Variants in RNF125 observed in about 807,000 individuals in gnomAD.
The protein encoded by RNF125 is ring finger protein 125.
RNF125 carries 21 observed loss-of-function variants against 26.0 expected under a neutral mutation model. The observed-to-expected ratio is 0.81, with a 90% CI of 0.57 to 1.16. RNF125 has a LOEUF of 1.16. Among genes scored for constraint, RNF125 ranks in the 50% most tolerant of loss-of-function variants. The pLI is 0.00. For missense variants in RNF125, 270 were observed against 299.4 expected (o/e 0.90, Z 0.72); for synonymous variants, 95 against 109.2 (o/e 0.87, Z 0.81).
intron 5 of RNF125, among the ~76,000 whole-genome samples, chr18:32,067,350 C>A (rs577943053): frequency 1.8e-4 from 27 of 152,308 alleles, no homozygotes; most frequent in African/African-American, 6.3e-4. Context: ...TTCTCAAGAT[C>A]TTTCAGACAA....
chr18:32,023,213 C>T (rs946917549), intron 1 of RNF125, among the ~76,000 whole-genome samples: 9 of 152,228 alleles, frequency 5.9e-5, no homozygotes, highest in African/African-American at 1.7e-4. Flanking sequence ...AGGGCAGTGG[C>T]GTGATCTCAG....
At chr18:32,045,830 G>T (rs1169575996) in intron 4 of RNF125, 98 bp downstream of exon 4, 2 of 716,078 alleles carry the variant, frequency 2.8e-6, no homozygotes, top group South Asian at 3.6e-5. Flanking sequence ...CCTTATAAAG[G>T]ATAATTATTT....
chr18:32,078,941 G>A, the RNF125 span, among the ~76,000 whole-genome samples: 11 of 152,160 alleles, frequency 7.2e-5, no homozygotes, highest in African/African-American at 2.7e-4. Flanking sequence ...CACCCAAGTA[G>A]AGTCAGTCAC....
intron 1 of RNF125, among the ~76,000 whole-genome samples, chr18:32,023,485 T>C (rs530569556): frequency 4.4e-4 from 67 of 152,174 alleles, no homozygotes; most frequent in African/African-American, 1.6e-3. Flanking sequence ...TACCGCAAGG[T>C]CAGGATTTTG....
intron 4 of RNF125, among the ~76,000 whole-genome samples, chr18:32,061,884 T>C (rs1021457327): frequency 2.6e-5 from 4 of 152,186 alleles, no homozygotes; most frequent in African/African-American, 7.2e-5. Context: ...TTATTTTAAA[T>C]CTAACAGCTC....
At chr18:32,074,229 C>A (rs1272186860), downstream of RNF125, among the ~76,000 whole-genome samples, 3 of 152,162 alleles carry the variant, frequency 2.0e-5, no homozygotes, top group Non-Finnish European at 4.4e-5. Flanking sequence ...TCCTATATCA[C>A]CCCTCGCAAC....
At chr18:32,035,067 G>T (rs868312262) in intron 1 of RNF125, among the ~76,000 whole-genome samples, 9 of 152,212 alleles carry the variant, frequency 5.9e-5, no homozygotes, top group Middle Eastern at 6.8e-3. Flanking sequence ...CAGAGACATG[G>T]TCTATACTTG....
At chr18:32,043,471 G>A (rs531318090) in intron 3 of RNF125, among the ~76,000 whole-genome samples, 113 of 152,246 alleles carry the variant, frequency 7.4e-4, no homozygotes, top group African/African-American at 2.6e-3. Context: ...ACTAGAGATC[G>A]CCTTGCAAAA....
chr18:32,032,380 A>T (rs962415611), intron 1 of RNF125, among the ~76,000 whole-genome samples: 3 of 140,086 alleles, frequency 2.1e-5, no homozygotes, highest in African/African-American at 2.6e-5. Flanking sequence ...GCCTGGCTGT[A>T]TTTTTTTTTT....
At chr18:32,042,003 ATAG>A in intron 2 of RNF125, 173 bp from the exon 3 acceptor site, 2 of 586,874 alleles carry the variant, frequency 3.4e-6, no homozygotes, top group Non-Finnish European at 6.0e-6. Flanking sequence ...AATTTGAAAA[ATAG>A]TAGTATTCTT....
chr18:32,037,480 T>C (rs1391601346), intron 2 of RNF125, among the ~76,000 whole-genome samples: 1 of 150,082 alleles, frequency 6.7e-6, no homozygotes, highest in Non-Finnish European at 1.5e-5. Context: ...CAAGTGATTC[T>C]CCTGCCCGCA....
chr18:32,088,534 G>A, the RNF125 span, among the ~76,000 whole-genome samples: 9 of 151,862 alleles, frequency 5.9e-5, no homozygotes, highest in African/African-American at 1.4e-4. Context: ...ACAGAGTCCC[G>A]CTCTGTCACC....
intron 1 of RNF125, among the ~76,000 whole-genome samples, chr18:32,034,269 G>C (rs546822195): frequency 6.6e-6 from 1 of 152,056 alleles, no homozygotes; most frequent in Non-Finnish European, 1.5e-5. Context: ...AGACAACCTC[G>C]CGGATCTTCT....
At chr18:32,050,955 T>C (rs2039321012) in intron 4 of RNF125, among the ~76,000 whole-genome samples, 1 of 127,474 alleles carries the variant, frequency 7.8e-6, no homozygotes, top group Non-Finnish European at 1.6e-5. Context: ...ACTTGTGAGC[T>C]CAAGCGATCT....
intron 3 of RNF125, among the ~76,000 whole-genome samples, chr18:32,043,862 A>G (rs79276722): frequency 0.017 from 2,602 of 152,316 alleles, 78 homozygotes; most frequent in African/African-American, 0.059. Context: ...TCTTACACCT[A>G]GAGTTTGTCC....
the RNF125 span, among the ~76,000 whole-genome samples, chr18:32,085,597 A>C: frequency 6.9e-6 from 1 of 145,634 alleles, no homozygotes; most frequent in Non-Finnish European, 1.5e-5. Context: ...GCTACTTGGG[A>C]GGCTGAGGCA....
In RNF125 at chr18:32,068,315, G is replaced by A; in HGVS notation, c.630G>A (p.Glu210=). The A allele has an allele frequency of 1.3e-6, 2 of 1,556,810 alleles. No homozygotes were observed. Among genetic ancestry groups the A allele is most frequent in the Non-Finnish European group, 1.8e-6 (2 of 1,129,212 alleles). The change falls in exon 6 of 6, where the codon GAG becomes GAA. Residue 210 remains glutamate, a synonymous_variant. Transcript: ENST00000217740. Reference sequence around the variant, plus strand: ...TATTGTAGGATTTTAATATAATTGAGGAAGCTCTTATCCGAAGAGTCTTAG... The same window carrying A: ...TATTGTAGGATTTTAATATAATTGAAGAAGCTCTTATCCGAAGAGTCTTAG... ...YDDFIDFNII[E]EALIRRVLDR...
At chr18:32,036,154 C>CAAA in intron 1 of RNF125, among the ~76,000 whole-genome samples, 1 of 120,450 alleles carries the variant, frequency 8.3e-6, no homozygotes, top group South Asian at 2.7e-4. Context: ...GACTCCATCT[C>CAAA]AAAAAAAAAA....
intron 1 of RNF125, among the ~76,000 whole-genome samples, chr18:32,023,071 C>G (rs2039000342): frequency 6.6e-6 from 1 of 152,138 alleles, no homozygotes; most frequent in African/African-American, 2.4e-5. Flanking sequence ...CAGCCTCCAC[C>G]TCCTGGGCTC....
Sources: allele counts gnomAD v4.1 joint callset (sites outside exome capture counted in the v4.1 genomes callset), GRCh38; gene constraint gnomAD v4.1.1; transcripts MANE v1.5; gene names NCBI Gene and HGNC (gene_info 2026-07-23, HGNC 2026-07-21).